Variants in ROCK1 observed in about 807,000 individuals in gnomAD.
ROCK1 encodes the protein rho-associated protein kinase 1.
Under a neutral mutation model 196.8 loss-of-function variants are expected in ROCK1, and 36 were observed. That is an observed-to-expected ratio of 0.18 (90% confidence interval 0.14 to 0.24). The LOEUF (loss-of-function observed/expected upper bound fraction) is 0.24. Ranked by LOEUF, ROCK1 falls within the 10% of genes least tolerant of loss-of-function variation. ROCK1 has a pLI of 1.00. For synonymous variants in ROCK1, 443 were observed against 515.9 expected (o/e 0.86, Z 1.91); for missense variants, 920 against 1,562.0 (o/e 0.59, Z 6.93).
intron 1 of ROCK1, among the ~76,000 whole-genome samples, chr18:21,091,978 T>G (rs996689207): frequency 6.6e-6 from 1 of 151,890 alleles, no homozygotes; most frequent in African/African-American, 2.4e-5. Flanking sequence ...AGACGCTGTC[T>G]CAAAAAATAA....
At chr18:20,981,985 C>A (rs1333633199) in intron 21 of ROCK1, among the ~76,000 whole-genome samples, 1 of 152,124 alleles carries the variant, frequency 6.6e-6, no homozygotes, top group East Asian at 1.9e-4. Flanking sequence ...GCTATTTAAT[C>A]CAATGCCCAC....
chr18:20,959,099 T>TATATA (rs2035291726), intron 29 of ROCK1, among the ~76,000 whole-genome samples: 16 of 19,654 alleles, frequency 8.1e-4, no homozygotes, highest in African/African-American at 3.5e-3. Flanking sequence ...ATATAATATA[T>TATATA]ATATTATATA....
intron 29 of ROCK1, among the ~76,000 whole-genome samples, chr18:20,959,064 T>TTTATA (rs2035287028): frequency 6.5e-5 from 3 of 45,940 alleles, no homozygotes; most frequent in Non-Finnish European, 3.2e-5. Flanking sequence ...ATATTATATT[T>TTTATA]TATATTATAT....
chr18:21,059,662 T>C (rs982613959), intron 2 of ROCK1, among the ~76,000 whole-genome samples: 10 of 152,194 alleles, frequency 6.6e-5, no homozygotes, highest in Non-Finnish European at 1.5e-4. Flanking sequence ...AGAATTACCA[T>C]ATGACCCACC....
chr18:21,017,190 T>C (rs2035870634), intron 12 of ROCK1, among the ~76,000 whole-genome samples: 1 of 144,916 alleles, frequency 6.9e-6, no homozygotes, highest in African/African-American at 2.6e-5. Context: ...ACACTTCTTT[T>C]TTTTTTTTTT....
chr18:21,017,662 C>T (rs1394420614), intron 12 of ROCK1, among the ~76,000 whole-genome samples: 4 of 151,844 alleles, frequency 2.6e-5, no homozygotes, highest in Non-Finnish European at 4.4e-5. Context: ...GATTTGAATG[C>T]AGAGAATTTG....
At chr18:21,018,706 A>G (rs1449837556) in intron 12 of ROCK1, among the ~76,000 whole-genome samples, 1 of 152,160 alleles carries the variant, frequency 6.6e-6, no homozygotes, top group Non-Finnish European at 1.5e-5. Context: ...TGTATTATAC[A>G]CTTAACCACA....
intron 21 of ROCK1, 28 bp downstream of exon 21, chr18:20,982,735 G>A (rs1345724157): frequency 3.6e-6 from 4 of 1,112,336 alleles, no homozygotes; most frequent in Admixed American, 3.6e-5. Flanking sequence ...TTGAAACAGT[G>A]TGTATGTTAA....
chr18:20,984,248 C>T, intron 20 of ROCK1, 103 bp downstream of exon 20: 1 of 861,178 alleles, frequency 1.2e-6, no homozygotes. Context: ...CTGTCTTTCA[C>T]AAACTCTAAG....
chr18:21,102,559 G>C (rs1354275062), intron 1 of ROCK1, among the ~76,000 whole-genome samples: 1 of 152,184 alleles, frequency 6.6e-6, no homozygotes, highest in Non-Finnish European at 1.5e-5. Flanking sequence ...AAAAAGGAAA[G>C]TTAATTGCAG....
chr18:20,955,849 A>G (rs1231554123), intron 29 of ROCK1, among the ~76,000 whole-genome samples: 1 of 150,412 alleles, frequency 6.6e-6, no homozygotes, highest in East Asian at 1.9e-4. Context: ...AAGATTACAC[A>G]TTATTTGATT....
chr18:21,032,903 TAAAG>T (rs912695669), intron 9 of ROCK1, among the ~76,000 whole-genome samples: 1 of 151,696 alleles, frequency 6.6e-6, no homozygotes, highest in African/African-American at 2.4e-5. Flanking sequence ...TTAAAAGAAA[TAAAG>T]AATCAAAATA....
intron 13 of ROCK1, among the ~76,000 whole-genome samples, chr18:21,014,590 C>CA (rs1242515658): frequency 6.6e-6 from 1 of 151,876 alleles, no homozygotes; most frequent in African/African-American, 2.4e-5. Context: ...GGAAGATATG[C>CA]AAAAAAGGAC....
chr18:21,111,481 G>T lies in ROCK1; in HGVS notation c.-571C>A. On this transcript the variant is annotated 5_prime_UTR_variant, in exon 1 of 33. The change creates a new upstream start codon in the 5' untranslated region. Coordinates refer to ENST00000399799, the MANE Select transcript of ROCK1 (RefSeq NM_005406.3). The surrounding 1 kb of genome is among the most constrained non-coding windows in gnomAD (Gnocchi z 4.2). ...TCGGCCCGGCCCGACGCACCGATCA[G>T]TCTCGGCCACGAGCTGGTCCACGCA... The T allele has an allele frequency of 4.2e-6, 1 of 236,624 alleles. No individual in the cohort carries two copies. 14.7% of individuals were successfully genotyped at this position (236,624 alleles called of 1,614,324 possible). A position where few individuals can be genotyped will look rare whatever the true frequency, so the allele number is the denominator to read the frequency against.
intron 27 of ROCK1, among the ~76,000 whole-genome samples, chr18:20,964,503 A>C (rs1235766138): frequency 2.6e-5 from 4 of 152,188 alleles, no homozygotes; most frequent in African/African-American, 4.8e-5. Flanking sequence ...ATTGACAAAG[A>C]CTATCCATTA....
chr18:21,001,296 T>C (rs1568380192), intron 16 of ROCK1, among the ~76,000 whole-genome samples: 1 of 152,206 alleles, frequency 6.6e-6, no homozygotes, highest in South Asian at 2.1e-4. Flanking sequence ...GAGGGGCAGC[T>C]TAATGGATCC....
intron 18 of ROCK1, among the ~76,000 whole-genome samples, chr18:20,989,586 G>A (rs948017098): frequency 3.9e-5 from 6 of 152,174 alleles, no homozygotes; most frequent in African/African-American, 1.4e-4. Context: ...GTAGTAATTA[G>A]TAAGGATGAC....
In ROCK1 at chr18:21,096,989, A is replaced by G. The variant is rs186923660; in HGVS notation, c.93+13829T>C. On this transcript the variant is annotated intron_variant, in intron 1 of 32. Transcript: ENST00000399799. ...CAGTTGTGATTTATGTCAGACTATA[A>G]AGATGAGAAAATTGTGTGAGGAGGA... is the stretch of plus-strand genomic sequence containing the variant. Among the ~76,000 whole-genome samples, 127 of 152,332 alleles carry G rather than the reference A, an allele frequency of 8.3e-4. 1 individual carries two copies. Among genetic ancestry groups the G allele is most frequent in the African/African-American group, 2.9e-3 (120 of 41,576 alleles).
chr18:20,959,057 T>TTTTATATAATATATATAATATA (rs1555743135), intron 29 of ROCK1, among the ~76,000 whole-genome samples: 1 of 46,864 alleles, frequency 2.1e-5, no homozygotes, highest in African/African-American at 1.6e-4. Context: ...AATATATATA[T>TTTTATATAATATATATAATATA]TATATTTTAT....
Sources: allele counts gnomAD v4.1 joint callset (sites outside exome capture counted in the v4.1 genomes callset), GRCh38; gene constraint gnomAD v4.1.1; non-coding constraint Gnocchi (gnomAD v3.1); transcripts MANE v1.5; gene names NCBI Gene and HGNC (gene_info 2026-07-23, HGNC 2026-07-21).